KATNBL1: variants seen among roughly 807,000 people sequenced by gnomAD.
KATNBL1 encodes katanin regulatory subunit B1 like 1, also known as KATNB1-like protein 1.
In KATNBL1, 28 loss-of-function variants were observed where a neutral mutation model predicts 44.7. The ratio of observed to expected loss-of-function variants is 0.63; its 90% CI spans 0.46 to 0.86. KATNBL1 has a LOEUF of 0.86. KATNBL1 is among the 40% of genes least tolerant of loss of function. The pLI, the probability that KATNBL1 is intolerant of heterozygous loss-of-function variation, is 0.00. For missense variants in KATNBL1, 272 were observed against 350.7 expected (o/e 0.78, Z 1.79); for synonymous variants, 78 against 114.9 (o/e 0.68, Z 2.06).
At chr15:34,148,777 A>C in intron 4 of KATNBL1, 27 bp from the exon 5 acceptor site, 1 of 1,266,822 alleles carries the variant, frequency 7.9e-7, no homozygotes, top group Non-Finnish European at 1.2e-6. Flanking sequence ...TGATTTGTTA[A>C]AAAGCACACT....
chr15:34,143,050 T>C (rs1198453363), intron 9 of KATNBL1: 6 of 1,257,226 alleles, frequency 4.8e-6, no homozygotes, highest in Non-Finnish European at 6.2e-6. Context: ...TACAAATTAA[T>C]TGATGGTTTA....
intron 2 of KATNBL1, among the ~76,000 whole-genome samples, chr15:34,163,181 T>C (rs763580917): frequency 7.2e-5 from 11 of 151,904 alleles, no homozygotes; most frequent in Non-Finnish European, 1.6e-4. Context: ...GTGGCTGGGA[T>C]TACAGGCACC....
intron 4 of KATNBL1, among the ~76,000 whole-genome samples, chr15:34,152,134 G>A (rs1350547169): frequency 6.6e-6 from 1 of 151,546 alleles, no homozygotes; most frequent in Non-Finnish European, 1.5e-5. Context: ...GAGACAGGGT[G>A]TTTCACCATG....
At chr15:34,205,476 C>A (rs1488470216) in intron 1 of KATNBL1, among the ~76,000 whole-genome samples, 1 of 152,156 alleles carries the variant, frequency 6.6e-6, no homozygotes, top group African/African-American at 2.4e-5. Flanking sequence ...ACTGAAATGT[C>A]AAGCTGGCAC....
chr15:34,162,879 G>A (rs1016757719), intron 2 of KATNBL1, among the ~76,000 whole-genome samples: 1 of 152,098 alleles, frequency 6.6e-6, no homozygotes, highest in African/African-American at 2.4e-5. Flanking sequence ...CTCCGAAAGT[G>A]CTGGGATTAT....
chr15:34,197,539 T>C (rs1008889542), intron 1 of KATNBL1, among the ~76,000 whole-genome samples: 1 of 152,254 alleles, frequency 6.6e-6, no homozygotes, highest in Non-Finnish European at 1.5e-5. Flanking sequence ...CAAACTTTAA[T>C]ATCAGTTCCT....
intron 1 of KATNBL1, among the ~76,000 whole-genome samples, chr15:34,186,921 G>C (rs1028370419): frequency 1.3e-5 from 2 of 152,222 alleles, no homozygotes; most frequent in Admixed American, 6.5e-5. Context: ...ATGGGGACTC[G>C]TGGTGCCTCT....
At chr15:34,198,595 A>T (rs1252539368) in intron 1 of KATNBL1, among the ~76,000 whole-genome samples, 7 of 152,236 alleles carry the variant, frequency 4.6e-5, no homozygotes, top group African/African-American at 1.4e-4. Context: ...TTATTTCCAT[A>T]ACTAATACAA....
intron 2 of KATNBL1, among the ~76,000 whole-genome samples, chr15:34,155,464 A>G (rs574350919): frequency 1.3e-5 from 2 of 152,320 alleles, no homozygotes; most frequent in South Asian, 2.1e-4. Context: ...AAGAGAAGTA[A>G]GGATGGTGGC....
At chr15:34,197,098 G>A (rs1381436564) in intron 1 of KATNBL1, among the ~76,000 whole-genome samples, 1 of 152,196 alleles carries the variant, frequency 6.6e-6, no homozygotes, top group East Asian at 1.9e-4. Context: ...TGCTACTAGA[G>A]GTGGAGAACA....
chr15:34,208,480 T>C (rs1890350307), intron 1 of KATNBL1: 1 of 152,240 alleles, frequency 6.6e-6, no homozygotes, highest in African/African-American at 2.4e-5. Context: ...TTAGTTTAAG[T>C]ATAACCATTT....
chr15:34,172,395 T>C (rs1397785470), intron 1 of KATNBL1, among the ~76,000 whole-genome samples: 2 of 151,276 alleles, frequency 1.3e-5, no homozygotes, highest in Non-Finnish European at 2.9e-5. Context: ...TACCTGGGAT[T>C]ACGGGCTCCC....
chr15:34,193,242 A>AAAAC (rs1889938630), intron 1 of KATNBL1, among the ~76,000 whole-genome samples: 1 of 143,318 alleles, frequency 7.0e-6, no homozygotes, highest in Admixed American at 6.9e-5. Context: ...AAAACAAAAA[A>AAAAC]AAAACTTAAG....
At position 34,140,846 on chromosome 15, in the gene KATNBL1, A is replaced by G. The variant is rs1292611827; in HGVS notation, c.*1493T>C. On this transcript the variant is annotated 3_prime_UTR_variant, in exon 10 of 10. Transcript: ENST00000256544. ...ATCTAAAGACTTAAGGAAATAACCA[A>G]TTATTACAATTCATGTTCACTGTGA... The G allele has an allele frequency of 6.6e-6, 1 of 152,196 alleles. No homozygotes were observed. The highest frequency in any genetic ancestry group is 1.5e-5 in the Non-Finnish European group (1 of 68,000). 9.4% of individuals were successfully genotyped at this position (152,196 alleles called of 1,614,324 possible).
chr15:34,194,537 A>G lies in KATNBL1; in HGVS notation c.-15+15414T>C, dbSNP rs111900397. Among the ~76,000 whole-genome samples, 1,114 of 152,200 alleles carry G rather than the reference A, an allele frequency of 7.3e-3. 14 individuals carry two copies. Among genetic ancestry groups the G allele is most frequent in the African/African-American group, 0.025 (1,057 of 41,528 alleles). ...ACTTGGGAGGCTGAGGTGGGAGGAC[A>G]GCTTGAGCCTGGGAGGTGGAGGCTG... On this transcript the variant is annotated intron_variant, in intron 1 of 9. Coordinates refer to ENST00000256544, the MANE Select transcript of KATNBL1 (RefSeq NM_024713.3).
chr15:34,193,071 G>T (rs7170019), intron 1 of KATNBL1, among the ~76,000 whole-genome samples: 1 of 151,624 alleles, frequency 6.6e-6, no homozygotes, highest in African/African-American at 2.4e-5. Flanking sequence ...CAAAAAATTA[G>T]CCGGGCGTAG....
In KATNBL1 at chr15:34,141,875, C is replaced by T. The variant is rs1449136458; in HGVS notation, c.*464G>A. The T allele has an allele frequency of 6.7e-6, 1 of 149,424 alleles. No homozygotes were observed. Among genetic ancestry groups the T allele is most frequent in the Non-Finnish European group, 1.5e-5 (1 of 67,654 alleles). 9.3% of individuals were successfully genotyped at this position (149,424 alleles called of 1,614,324 possible). A position where few individuals can be genotyped will look rare whatever the true frequency, so the allele number is the denominator to read the frequency against. ...TGTTTTAAACTTTCAGTCTTTTCAA[C>T]ATAAGAAAATAGCTGCACACATTTA... is the stretch of plus-strand genomic sequence containing the variant. On this transcript the variant is annotated 3_prime_UTR_variant, in exon 10 of 10. Coordinates refer to ENST00000256544, the MANE Select transcript of KATNBL1 (RefSeq NM_024713.3).
At chr15:34,188,054 G>A (rs961142591) in intron 1 of KATNBL1, among the ~76,000 whole-genome samples, 5 of 141,274 alleles carry the variant, frequency 3.5e-5, no homozygotes, top group African/African-American at 1.3e-4. Flanking sequence ...CAAGAGAATC[G>A]CTTGAACCTG....
chr15:34,161,137 T>G (rs1888790871), intron 2 of KATNBL1, among the ~76,000 whole-genome samples: 1 of 152,198 alleles, frequency 6.6e-6, no homozygotes, highest in African/African-American at 2.4e-5. Flanking sequence ...CAGTTGTGCA[T>G]CTCATTCACA....
Sources: allele counts gnomAD v4.1 joint callset (sites outside exome capture counted in the v4.1 genomes callset), GRCh38; gene constraint gnomAD v4.1.1; transcripts MANE v1.5; gene names NCBI Gene and HGNC (gene_info 2026-07-23, HGNC 2026-07-21).